RUNX1: variants seen among roughly 807,000 people sequenced by gnomAD.
RUNX1 encodes the protein runt-related transcription factor 1.
RUNX1 carries 19 observed loss-of-function variants against 42.8 expected under a neutral mutation model. That is an observed-to-expected ratio of 0.44 (90% CI 0.31 to 0.65). The LOEUF (loss-of-function observed/expected upper bound fraction) is 0.65. RUNX1 is among the 30% of genes least tolerant of loss of function. The pLI is 0.07. For missense variants in RUNX1, 528 were observed against 672.0 expected, an observed-to-expected ratio of 0.79 and a Z score of 2.37; for synonymous variants, 271 against 289.4, an observed-to-expected ratio of 0.94 and a Z score of 0.64.
intron 5 of RUNX1, among the ~76,000 whole-genome samples, chr21:34,877,342 G>A (rs1331190418): frequency 6.6e-6 from 1 of 151,958 alleles, no homozygotes; most frequent in African/African-American, 2.4e-5. Context: ...TTTTTTGGGG[G>A]TGTCATGGAG....
At position 34,805,695 on chromosome 21, in the gene RUNX1, A is replaced by T. The variant is rs544169459; in HGVS notation, c.806-6233T>A. Among the ~76,000 whole-genome samples, 11 of 152,376 alleles carry T rather than the reference A, an allele frequency of 7.2e-5. No homozygotes were observed. In the South Asian group the frequency reaches 2.3e-3, roughly 32 times the overall value. Reference sequence around the variant, plus strand: ...AACTGGAATAATTCATTGCCAGCTGACCTGCCCTATGAGAAATGTCAAAAA... The same window carrying T: ...AACTGGAATAATTCATTGCCAGCTGTCCTGCCCTATGAGAAATGTCAAAAA... On this transcript the variant is annotated intron_variant, in intron 7 of 8. Coordinates refer to ENST00000675419, the MANE Select transcript of RUNX1 (RefSeq NM_001754.5).
intron 7 of RUNX1, among the ~76,000 whole-genome samples, chr21:34,816,144 G>T (rs1310912495): frequency 6.6e-6 from 1 of 152,220 alleles, no homozygotes; most frequent in African/African-American, 2.4e-5. Flanking sequence ...TGTAAGGAAA[G>T]AAATTGTTTA....
In RUNX1 at chr21:34,892,928, G is replaced by T; in HGVS notation, c.94C>A (p.His32Asn). ...TATAACTTGGAATTTAACATACCGT[G>T]GACGTCTCTAGAAGGATTCATTCCA... ...ILGMNPSRDV[H>N]DASTSRRFTP... The change falls in exon 3 of 9, where the codon CAC becomes AAC. Residue 32 changes from histidine to asparagine, a missense_variant. Transcript: ENST00000675419. 6.4e-7 allele frequency: 1 copy of T among 1,557,020 alleles called. No individual in the cohort carries two copies. The highest frequency in any genetic ancestry group is 8.9e-7 in the Non-Finnish European group (1 of 1,129,114).
chr21:34,923,245 G>A (rs1379358107), intron 2 of RUNX1, among the ~76,000 whole-genome samples: 1 of 152,188 alleles, frequency 6.6e-6, no homozygotes, highest in African/African-American at 2.4e-5. Flanking sequence ...AGGGGCTGCT[G>A]ATTCCCTTTC....
Position 34,886,869 on chromosome 21 carries a change from T to G in RUNX1, c.325A>C (p.Asn109His), listed in dbSNP as rs767874011. 1 of 1,613,632 alleles carries G rather than the reference T, an allele frequency of 6.2e-7. No homozygotes were observed. Among genetic ancestry groups the G allele is most frequent in the Non-Finnish European group, 8.5e-7 (1 of 1,179,782 alleles). ...CSVLPTHWRC[N>H]KTLPIAFKVV... is the part of the protein sequence containing the mutation. ...TTGAAAGCGATGGGCAGGGTCTTGT[T>G]GCAGCGCCAGTGCGTAGGCAGCACG... The change falls in exon 4 of 9, where the codon AAC (asparagine) becomes CAC (histidine). Residue 109 changes from asparagine to histidine, a missense_variant. Transcript: ENST00000675419.
chr21:35,015,152 C>T (rs1475013577), intron 2 of RUNX1, among the ~76,000 whole-genome samples: 2 of 152,236 alleles, frequency 1.3e-5, no homozygotes, highest in African/African-American at 4.8e-5. Context: ...CTTTTCCTGG[C>T]TGTGAGATCC....
At chr21:34,849,929 ATTAC>A (rs2057393623) in intron 6 of RUNX1, among the ~76,000 whole-genome samples, 1 of 151,250 alleles carries the variant, frequency 6.6e-6, no homozygotes, top group Admixed American at 6.6e-5. Flanking sequence ...TATTATTATT[ATTAC>A]TATTATTATT....
chr21:35,026,238 G>A (rs2059235500), intron 2 of RUNX1, among the ~76,000 whole-genome samples: 1 of 152,142 alleles, frequency 6.6e-6, no homozygotes, highest in African/African-American at 2.4e-5. Context: ...TCTTTACCTC[G>A]GGGGGTCAAA....
At chr21:34,877,150 T>C (rs2057825943) in intron 5 of RUNX1, among the ~76,000 whole-genome samples, 1 of 152,196 alleles carries the variant, frequency 6.6e-6, no homozygotes, top group Admixed American at 6.6e-5. Context: ...TGAGCCACTG[T>C]GCCCGGATAC....
intron 2 of RUNX1, among the ~76,000 whole-genome samples, chr21:34,894,756 A>G (rs776855219): frequency 6.6e-6 from 1 of 151,990 alleles, no homozygotes; most frequent in African/African-American, 2.4e-5. Context: ...GTGCTTTTAT[A>G]TACTTTGCCT....
chr21:35,044,945 C>T (rs191121181), intron 2 of RUNX1, among the ~76,000 whole-genome samples: 260 of 152,304 alleles, frequency 1.7e-3, no homozygotes, highest in African/African-American at 5.6e-3. Flanking sequence ...GCTCCATGCC[C>T]CTGTACTCGG....
intron 7 of RUNX1, among the ~76,000 whole-genome samples, chr21:34,830,452 CTAATTA>C (rs1407361041): frequency 3.9e-5 from 6 of 152,336 alleles, no homozygotes; most frequent in African/African-American, 1.4e-4. Context: ...TTATCAACAT[CTAATTA>C]TAATAGAACA....
At position 35,048,943 on chromosome 21, in the gene RUNX1, CAA is replaced by C; in HGVS notation, c.-46_-45del. ...CACCCTCTTCTGAAGGCGGGGGACT[CAA>C]TGATTTCTTTTACCTTCGGAGCGAA... On this transcript the variant is annotated 5_prime_UTR_variant, in exon 2 of 9. Coordinates refer to ENST00000675419, the MANE Select transcript of RUNX1 (RefSeq NM_001754.5). 1 of 1,579,608 alleles carries C rather than the reference CAA, an allele frequency of 6.3e-7. No individual in the cohort carries two copies. Among genetic ancestry groups the C allele is most frequent in the Admixed American group, 1.7e-5 (1 of 59,970 alleles).
chr21:34,858,661 A>G (rs1188240894), intron 6 of RUNX1, among the ~76,000 whole-genome samples: 1 of 152,032 alleles, frequency 6.6e-6, no homozygotes, highest in Non-Finnish European at 1.5e-5. Flanking sequence ...TTAATTTTCC[A>G]CCAGGGACCT....
rs3833348 is a variant in RUNX1, at chr21:34,887,242, T to TGGG, written c.98-149_98-147dup. On this transcript the variant is annotated intron_variant, in intron 3 of 8. Coordinates refer to ENST00000675419, the MANE Select transcript of RUNX1 (RefSeq NM_001754.5). ...CAGGGGCCTTTATTACTGCGGGGGGTGGGGGGGGGCGGGGGTGGTTAGGGG... is the reference window on the plus strand; with the variant it reads ...CAGGGGCCTTTATTACTGCGGGGGGTGGGGGGGGGGGGCGGGGGTGGTTAGGGG... 754 of 299,182 alleles carry TGGG rather than the reference T, an allele frequency of 2.5e-3. 2 individuals carry two copies. The highest frequency in any genetic ancestry group is 0.015 in the African/African-American group (231 of 15,768). 18.5% of individuals were successfully genotyped at this position (299,182 alleles called of 1,614,324 possible).
chr21:34,852,161 C>G (rs1356928986), intron 6 of RUNX1, among the ~76,000 whole-genome samples: 1 of 147,988 alleles, frequency 6.8e-6, no homozygotes. Context: ...GAGCAAGACT[C>G]TGTCTCAAAA....
chr21:34,881,052 T>C (rs925676065), intron 4 of RUNX1, among the ~76,000 whole-genome samples: 2 of 152,164 alleles, frequency 1.3e-5, no homozygotes, highest in East Asian at 1.9e-4. Context: ...CATAAAGCCA[T>C]AGTAGGTCAC....
In RUNX1 at chr21:34,863,720, A is replaced by T. The variant is rs2057613639; in HGVS notation, c.509-4142T>A. On this transcript the variant is annotated intron_variant, in intron 5 of 8. Transcript: ENST00000675419. The stretch of plus-strand genomic sequence containing the variant: ...CATGTGCATACCACCACACCCAGCT[A>T]ATTTTTTGTATTTTTAGTAGAGATG... 3.3e-5 allele frequency among the ~76,000 whole-genome samples: 5 copies of T among 151,888 alleles called. 1 individual carries two copies. In the South Asian group the frequency reaches 8.3e-4, roughly 25 times the overall value.
intron 2 of RUNX1, among the ~76,000 whole-genome samples, chr21:35,047,163 A>G (rs2059401889): frequency 6.6e-6 from 1 of 152,176 alleles, no homozygotes; most frequent in Non-Finnish European, 1.5e-5. Flanking sequence ...CTGAGTTGAT[A>G]AAATAGGAAA....
Sources: gnomAD v4.1 joint callset for allele counts (sites outside exome capture counted in the v4.1 genomes callset) on GRCh38, gnomAD v4.1.1 for gene constraint, MANE v1.5 for transcripts, NCBI Gene and HGNC (gene_info 2026-07-23, HGNC 2026-07-21) for gene names.